The following CNKSR2 variants were observed in gnomAD, a reference collection of about 807,000 sequenced individuals.
The protein encoded by CNKSR2 is connector enhancer of kinase suppressor of Ras 2.
In CNKSR2, 14 loss-of-function variants were observed where a neutral mutation model predicts 84.4. The observed-to-expected ratio is 0.17, with a 90% CI of 0.11 to 0.26. The LOEUF is 0.26. Among genes scored for constraint, CNKSR2 ranks in the 10% least tolerant of loss-of-function variants. The pLI is 1.00. For missense variants in CNKSR2, 485 were observed against 771.2 expected, an observed-to-expected ratio of 0.63 and a Z score of 4.40; for synonymous variants, 275 against 277.9, an observed-to-expected ratio of 0.99 and a Z score of 0.10.
At position 21,563,301 on chromosome X, in the gene CNKSR2, G is replaced by T. The variant is rs2092209096; in HGVS notation, c.1457G>T (p.Arg486Ile). The change falls in exon 13 of 22, where the codon AGA becomes ATA. Residue 486 changes from arginine (R) to isoleucine (I), a missense_variant. Arg to Ile is a moderately conservative substitution (Grantham distance 97). Around this residue, in one of 5 missense-constraint regions of CNKSR2, gnomAD observed 132 missense variants for 166.7 expected, o/e 0.79. Transcript: ENST00000379510. Reference sequence around the variant, plus strand: ...GCTCAAGAAGAATACATGTTTCAGAGAAACAGCAAAAAGGACACAGGGAAG... The same window carrying T: ...GCTCAAGAAGAATACATGTTTCAGATAAACAGCAAAAAGGACACAGGGAAG... ...KIAQEEYMFQ[R>I]NSKKDTGKKS... 2 of 1,210,142 alleles carry T rather than the reference G, an allele frequency of 1.7e-6. No homozygotes were observed. Among genetic ancestry groups the T allele is most frequent in the Non-Finnish European group, 2.2e-6 (2 of 894,505 alleles).
At chrX:21,390,945 G>A (rs1716517566) in intron 1 of CNKSR2, among the ~76,000 whole-genome samples, 1 of 111,529 alleles carries the variant, frequency 9.0e-6, no homozygotes, top group Admixed American at 9.5e-5. Flanking sequence ...AAAAGAAAGG[G>A]GCTACAGGAC....
intron 2 of CNKSR2, chrX:21,428,684 A>G (rs756325430): frequency 1.8e-5 from 2 of 111,503 alleles, no homozygotes; most frequent in African/African-American, 3.3e-5. Flanking sequence ...CTGACAATAC[A>G]CTTTTTATTA....
intron 20 of CNKSR2, among the ~76,000 whole-genome samples, chrX:21,626,841 A>G (rs2092625879): frequency 8.9e-6 from 1 of 112,417 alleles, no homozygotes; most frequent in African/African-American, 3.2e-5. Context: ...CATGTAATAC[A>G]TATCCAAGAG....
chrX:21,509,262 G>A (rs1338021234), intron 8 of CNKSR2, among the ~76,000 whole-genome samples: 1 of 111,895 alleles, frequency 8.9e-6, no homozygotes, highest in Non-Finnish European at 1.9e-5. Flanking sequence ...ATGCCTTGAT[G>A]TACTCTTATT....
At chrX:21,490,630 G>A (rs1311152920) in intron 6 of CNKSR2, 52 bp downstream of exon 6, 12 of 1,126,907 alleles carry the variant, frequency 1.1e-5, no homozygotes, top group Non-Finnish European at 1.4e-5. Context: ...GAGAGCTAAT[G>A]ATGTGGACAA....
intron 20 of CNKSR2, chrX:21,641,759 C>G: frequency 4.8e-6 from 5 of 1,032,803 alleles, no homozygotes; most frequent in Non-Finnish European, 6.2e-6. Context: ...CTTAGATCAT[C>G]AAGTGTTTTG....
At chrX:21,378,996 T>C (rs962108234) in intron 1 of CNKSR2, among the ~76,000 whole-genome samples, 8 of 112,605 alleles carry the variant, frequency 7.1e-5, no homozygotes, top group Non-Finnish European at 1.3e-4. Flanking sequence ...CTCTGACTTC[T>C]AATTTCTGTC....
chrX:21,387,439 G>A (rs1436724590), intron 1 of CNKSR2, among the ~76,000 whole-genome samples: 3 of 111,421 alleles, frequency 2.7e-5, no homozygotes, highest in Non-Finnish European at 3.8e-5. Context: ...CTGTGGTCGC[G>A]CCACTGTACT....
chrX:21,454,737 A>G lies in CNKSR2; in HGVS notation c.519+13956A>G, dbSNP rs141249065. ...AGTGGATCTTCAGATGAGGGAAAACATGAATATAAACTATGTCTAAAGGTA... is the reference window on the plus strand; with the variant it reads ...AGTGGATCTTCAGATGAGGGAAAACGTGAATATAAACTATGTCTAAAGGTA... On this transcript the variant is annotated intron_variant, in intron 4 of 21. Coordinates refer to ENST00000379510, the MANE Select transcript of CNKSR2 (RefSeq NM_014927.5). 2.6e-3 allele frequency among the ~76,000 whole-genome samples: 294 copies of G among 112,361 alleles called. 3 individuals are homozygous for G. Among genetic ancestry groups the G allele is most frequent in the African/African-American group, 8.2e-3 (253 of 31,014 alleles).
intron 4 of CNKSR2, among the ~76,000 whole-genome samples, chrX:21,445,821 A>G (rs1354898767): frequency 8.9e-6 from 1 of 111,901 alleles, no homozygotes; most frequent in Non-Finnish European, 1.9e-5. Flanking sequence ...GTGTACATAT[A>G]CCACGTTTTC....
At chrX:21,443,400 T>C (rs1434485961) in intron 4 of CNKSR2, among the ~76,000 whole-genome samples, 1 of 111,555 alleles carries the variant, frequency 9.0e-6, no homozygotes, top group Admixed American at 9.6e-5. Flanking sequence ...TTAAAGAACA[T>C]TTTAAATCAG....
intron 1 of CNKSR2, among the ~76,000 whole-genome samples, chrX:21,382,197 G>A (rs1432253244): frequency 8.9e-6 from 1 of 111,834 alleles, no homozygotes; most frequent in Non-Finnish European, 1.9e-5. Context: ...TGTATATTGT[G>A]TGCCAGAATA....
intron 16 of CNKSR2, 30 bp downstream of exon 16, chrX:21,595,077 C>G: frequency 9.5e-7 from 1 of 1,055,098 alleles, no homozygotes; most frequent in Non-Finnish European, 1.3e-6. Flanking sequence ...GAAGAGGGAA[C>G]GATAGTTTTT....
intron 5 of CNKSR2, among the ~76,000 whole-genome samples, chrX:21,475,232 G>A (rs764319342): frequency 1.8e-5 from 2 of 111,862 alleles, no homozygotes; most frequent in South Asian, 3.8e-4. Context: ...TGCTTGAAGT[G>A]ATGGATACCC....
intron 13 of CNKSR2, among the ~76,000 whole-genome samples, chrX:21,571,155 A>T (rs1260782497): frequency 8.9e-6 from 1 of 112,620 alleles, no homozygotes; most frequent in Non-Finnish European, 1.9e-5. Context: ...TGTGTTATTT[A>T]GTGTACTGTT....
At chrX:21,395,825 T>C (rs1270662270) in intron 1 of CNKSR2, among the ~76,000 whole-genome samples, 2 of 111,673 alleles carry the variant, frequency 1.8e-5, no homozygotes, top group Non-Finnish European at 3.8e-5. Context: ...TTTAAGTTTT[T>C]TTCTACCCAG....
chrX:21,514,262 A>G (rs1055458399), intron 8 of CNKSR2, among the ~76,000 whole-genome samples: 1 of 111,841 alleles, frequency 8.9e-6, no homozygotes, highest in Non-Finnish European at 1.9e-5. Flanking sequence ...TGGTAGTGGA[A>G]GTAGAATTTG....
chrX:21,649,172 A>G, intron 21 of CNKSR2, 145 bp downstream of exon 21: 1 of 438,098 alleles, frequency 2.3e-6, no homozygotes, highest in South Asian at 4.4e-5. Context: ...AGCTATTTCT[A>G]TGTCATAATA....
At chrX:21,415,643 G>A (rs189515694) in intron 1 of CNKSR2, among the ~76,000 whole-genome samples, 29 of 61,578 alleles carry the variant, frequency 4.7e-4, no homozygotes, top group African/African-American at 1.8e-3. Context: ...TTGTGGGGTG[G>A]GGGGAGGGGG....
Sources: allele counts gnomAD v4.1 joint callset (sites outside exome capture counted in the v4.1 genomes callset), GRCh38; gene constraint gnomAD v4.1.1; regional missense constraint gnomAD v4.1.1; transcripts MANE v1.5; gene names NCBI Gene and HGNC (gene_info 2026-07-23, HGNC 2026-07-21).